BACH2: variants seen among roughly 807,000 people sequenced by gnomAD.
BACH2 encodes transcription regulator protein BACH2.
A neutral mutation model predicts 61.8 loss-of-function variants in BACH2; 5 were observed. The ratio of observed to expected loss-of-function variants is 0.08; its 90% confidence interval spans 0.04 to 0.17. The LOEUF is 0.17. BACH2 is among the 10% of genes least tolerant of loss of function. BACH2 has a pLI of 1.00. For missense variants in BACH2, 824 were observed against 1,091.1 expected, an observed-to-expected ratio of 0.76 and a Z score of 3.45; for synonymous variants, 446 against 440.1, an observed-to-expected ratio of 1.01 and a Z score of -0.17.
At chr6:90,044,427 C>T (rs1437783291) in intron 5 of BACH2, among the ~76,000 whole-genome samples, 2 of 152,170 alleles carry the variant, frequency 1.3e-5, no homozygotes, top group Non-Finnish European at 2.9e-5. Flanking sequence ...CCAGCGAAAG[C>T]TGCAGAGGTA....
chr6:89,980,823 A>G (rs1582134826), intron 6 of BACH2, among the ~76,000 whole-genome samples: 1 of 151,798 alleles, frequency 6.6e-6, no homozygotes, highest in East Asian at 1.9e-4. Context: ...GTGTAGTTTT[A>G]GCATATTTAC....
intron 1 of BACH2, among the ~76,000 whole-genome samples, chr6:90,285,731 C>T (rs1409616552): frequency 1.3e-5 from 2 of 152,140 alleles, no homozygotes; most frequent in Non-Finnish European, 2.9e-5. Context: ...AGCTAACCAG[C>T]CCAGCAGCCC....
At chr6:90,000,848 G>C (rs1334303159) in intron 6 of BACH2, among the ~76,000 whole-genome samples, 1 of 152,154 alleles carries the variant, frequency 6.6e-6, no homozygotes, top group East Asian at 1.9e-4. Flanking sequence ...ATAAAAGTGG[G>C]AGAACTGAGC....
At chr6:90,261,546 AC>A (rs1771157538) in intron 2 of BACH2, among the ~76,000 whole-genome samples, 1 of 151,376 alleles carries the variant, frequency 6.6e-6, no homozygotes, top group Non-Finnish European at 1.5e-5. Flanking sequence ...CCCTTGCTTG[AC>A]CCCTCTGAAG....
intron 1 of BACH2, among the ~76,000 whole-genome samples, chr6:90,295,374 C>T (rs543693189): frequency 6.6e-6 from 1 of 152,334 alleles, no homozygotes; most frequent in Admixed American, 6.5e-5. Flanking sequence ...TCACTCCCGG[C>T]CCTGCACGCT....
chr6:90,242,963 T>A (rs1770502291), intron 3 of BACH2, among the ~76,000 whole-genome samples: 1 of 150,720 alleles, frequency 6.6e-6, no homozygotes, highest in Admixed American at 6.6e-5. Context: ...CACTGCAACC[T>A]CCGCCTCCCG....
chr6:90,212,991 T>C (rs1237160308), intron 3 of BACH2, among the ~76,000 whole-genome samples: 1 of 152,166 alleles, frequency 6.6e-6, no homozygotes, highest in African/African-American at 2.4e-5. Flanking sequence ...CACTGTAAAA[T>C]GTAAATCGCA....
chr6:90,020,680 T>C (rs562152718), intron 5 of BACH2, among the ~76,000 whole-genome samples: 5 of 152,246 alleles, frequency 3.3e-5, no homozygotes, highest in African/African-American at 1.2e-4. Context: ...CTCCCTCCAA[T>C]TTGTCTGCTT....
At chr6:90,284,138 G>A (rs1771944470) in intron 1 of BACH2, among the ~76,000 whole-genome samples, 1 of 152,186 alleles carries the variant, frequency 6.6e-6, no homozygotes, top group African/African-American at 2.4e-5. Context: ...CAAAGGCTCT[G>A]GGATAAGACC....
chr6:90,243,517 T>A (rs1032219055), intron 3 of BACH2, among the ~76,000 whole-genome samples: 1 of 152,190 alleles, frequency 6.6e-6, no homozygotes, highest in African/African-American at 2.4e-5. Flanking sequence ...AAAAGTTTTG[T>A]CCTGGTGGCA....
At chr6:90,259,990 A>T (rs540181628) in intron 2 of BACH2, among the ~76,000 whole-genome samples, 1 of 150,438 alleles carries the variant, frequency 6.6e-6, no homozygotes, top group African/African-American at 2.4e-5. Flanking sequence ...AATTTTACTT[A>T]AAAAAAAACC....
At chr6:90,195,113 C>T (rs1208801274) in intron 4 of BACH2, among the ~76,000 whole-genome samples, 1 of 152,048 alleles carries the variant, frequency 6.6e-6, no homozygotes, top group African/African-American at 2.4e-5. Flanking sequence ...TATGACATGT[C>T]CAGATGTGGG....
At chr6:90,098,867 G>A (rs1782494987) in intron 4 of BACH2, among the ~76,000 whole-genome samples, 1 of 152,096 alleles carries the variant, frequency 6.6e-6, no homozygotes, top group African/African-American at 2.4e-5. Flanking sequence ...AACACGGCTA[G>A]GCCTCTCCCC....
intron 4 of BACH2, among the ~76,000 whole-genome samples, chr6:90,142,571 T>C (rs1197943693): frequency 2.0e-5 from 3 of 152,148 alleles, no homozygotes; most frequent in Non-Finnish European, 4.4e-5. Flanking sequence ...TAGAGGAGTG[T>C]CCATAATCTG....
intron 4 of BACH2, among the ~76,000 whole-genome samples, chr6:90,148,058 C>G (rs766176061): frequency 1.1e-4 from 17 of 152,106 alleles, no homozygotes; most frequent in Non-Finnish European, 1.6e-4. Context: ...AGGCTCTTCC[C>G]AAACAGTCCA....
Position 90,287,522 on chromosome 6 carries a change from C to T in BACH2, c.-446+8958G>A, listed in dbSNP as rs377555935. 9.9e-4 allele frequency among the ~76,000 whole-genome samples: 151 copies of T among 152,272 alleles called. 6 individuals carry two copies. In the South Asian group the frequency reaches 0.031, roughly 31 times the overall value. On this transcript the variant is annotated intron_variant, in intron 1 of 8. Coordinates refer to ENST00000257749, the MANE Select transcript of BACH2 (RefSeq NM_021813.4). ...AAATGTTAAATAACATACCATCTTG[C>T]TATAGAGGTTTATGTGATCAACTCC... is the stretch of plus-strand genomic sequence containing the variant.
At chr6:90,052,384 C>T (rs573615594) in intron 5 of BACH2, among the ~76,000 whole-genome samples, 4 of 142,432 alleles carry the variant, frequency 2.8e-5, no homozygotes, top group South Asian at 4.2e-4. Flanking sequence ...TCTCTCTATC[C>T]TGATTTTTTT....
At chr6:90,031,958 C>A (rs1249390311) in intron 5 of BACH2, among the ~76,000 whole-genome samples, 2 of 152,180 alleles carry the variant, frequency 1.3e-5, no homozygotes, top group African/African-American at 2.4e-5. Flanking sequence ...TCAAACTATA[C>A]TACAAGGCTA....
At position 90,008,706 on chromosome 6, in the gene BACH2, C is replaced by T. The variant is rs764083605; in HGVS notation, c.139G>A (p.Glu47Lys). Residue 47 changes from glutamate to lysine, a missense_variant, in exon 6 of 9, where the codon GAG becomes AAG. Physicochemically the swap from Glu to Lys is moderately conservative, Grantham distance 56 (BLOSUM62 1). Around this residue, in one of 8 missense-constraint regions of BACH2, gnomAD observed 66 missense variants for 144.8 expected, o/e 0.46. Coordinates refer to ENST00000257749, the MANE Select transcript of BACH2 (RefSeq NM_021813.4). The surrounding 1 kb of genome is among the most constrained non-coding windows in gnomAD (Gnocchi z 4.1). Reference protein sequence around the residue: ...CDVTLIVERKEFRAHRAVLAA... With the variant: ...CDVTLIVERKKFRAHRAVLAA... ...AGCACAGCCCGGTGGGCCCGGAACT[C>T]CTTCCTCTCCACGATCAAAGTCACG... is the stretch of plus-strand genomic sequence containing the variant. The T allele has an allele frequency of 1.2e-6, 2 of 1,614,058 alleles. No homozygotes were observed. Among genetic ancestry groups the T allele is most frequent in the South Asian group, 1.1e-5 (1 of 91,092 alleles).
Sources: gnomAD v4.1 joint callset for allele counts (sites outside exome capture counted in the v4.1 genomes callset) on GRCh38, gnomAD v4.1.1 for gene constraint, gnomAD v4.1.1 regional missense constraint, Gnocchi (gnomAD v3.1) non-coding constraint, MANE v1.5 for transcripts, NCBI Gene and HGNC (gene_info 2026-07-23, HGNC 2026-07-21) for gene names.